TMEM165: variants seen among roughly 807,000 people sequenced by gnomAD.
TMEM165 encodes transmembrane protein 165, also known as putative divalent cation/proton antiporter TMEM165.
A neutral mutation model predicts 30.0 loss-of-function variants in TMEM165; 19 were observed. The observed-to-expected ratio is 0.63, with a 90% CI of 0.44 to 0.93. The LOEUF (loss-of-function observed/expected upper bound fraction) is 0.93. Among genes scored for constraint, TMEM165 ranks in the 40% least tolerant of loss-of-function variants. The pLI is 0.00. For synonymous variants in TMEM165, 168 were observed against 162.9 expected, an observed-to-expected ratio of 1.03 and a Z score of -0.24; for missense variants, 340 against 417.0, an observed-to-expected ratio of 0.82 and a Z score of 1.61.
At chr4:55,450,308 C>A (rs766076877) in intron 3 of TMEM165, 11 of 1,574,884 alleles carry the variant, frequency 7.0e-6, no homozygotes, top group Non-Finnish European at 9.6e-6. Flanking sequence ...CTGTTAACAA[C>A]AACAAAAAAA....
intron 3 of TMEM165, chr4:55,438,362 TCTG>T (rs753230415): frequency 2.0e-4 from 324 of 1,593,576 alleles, no homozygotes; most frequent in Non-Finnish European, 2.6e-4. Context: ...TCCTGGGAGC[TCTG>T]CTGCTGCTGC....
intron 1 of TMEM165, chr4:55,398,805 C>T (rs1720834103): frequency 1.3e-5 from 2 of 149,096 alleles, no homozygotes; most frequent in Admixed American, 1.3e-4. Flanking sequence ...GAAGTAGTTG[C>T]ATGTCAAGTT....
intron 3 of TMEM165, among the ~76,000 whole-genome samples, chr4:55,447,084 T>C (rs538514649): frequency 1.1e-4 from 16 of 152,118 alleles, no homozygotes; most frequent in African/African-American, 3.4e-4. Flanking sequence ...GTTATAATTA[T>C]GGCCGGGCAT....
intron 3 of TMEM165, among the ~76,000 whole-genome samples, chr4:55,446,848 T>C (rs1028441734): frequency 2.6e-5 from 4 of 152,174 alleles, no homozygotes; most frequent in Non-Finnish European, 5.9e-5. Flanking sequence ...GTGAACTGTA[T>C]GTAAAAGTGA....
Position 55,438,324 on chromosome 4 carries a change from T to C in TMEM165, c.408+13681T>C, listed in dbSNP as rs141175897. ...GTGGCTGGGTCAGCTGAGCCTGAGA[T>C]GGTTGCTGAACTGAAGTGAGCTGCT... is the stretch of plus-strand genomic sequence containing the variant. On this transcript the variant is annotated intron_variant, in intron 3 of 3. Transcript: ENST00000608091. The C allele has an allele frequency of 3.7e-5, 59 of 1,614,098 alleles. No homozygotes were observed. The East Asian group carries it at 6.5e-4, about 18-fold the overall frequency.
intron 3 of TMEM165, among the ~76,000 whole-genome samples, chr4:55,447,041 T>C (rs1723916395): frequency 6.6e-6 from 1 of 152,080 alleles, no homozygotes; most frequent in Non-Finnish European, 1.5e-5. Flanking sequence ...CTCAAGTTTT[T>C]TTTTTTGTTT....
chr4:55,409,021 A>G (rs1038324578), intron 1 of TMEM165, among the ~76,000 whole-genome samples: 3 of 151,676 alleles, frequency 2.0e-5, no homozygotes, highest in Admixed American at 6.6e-5. Context: ...CTGGAGTGCA[A>G]TGGTGCCATT....
At chr4:55,435,531 G>T (rs555376852) in intron 3 of TMEM165, 1 of 1,614,044 alleles carries the variant, frequency 6.2e-7, no homozygotes, top group African/African-American at 1.3e-5. Context: ...GTGCTCTGTT[G>T]TAGAGGAAAT....
At chr4:55,406,304 G>A (rs1224510568) in intron 1 of TMEM165, among the ~76,000 whole-genome samples, 1 of 152,258 alleles carries the variant, frequency 6.6e-6, no homozygotes, top group Non-Finnish European at 1.5e-5. Flanking sequence ...CTATAATGGT[G>A]TGAAAGTTAA....
Position 55,435,161 on chromosome 4 carries a change from C to A in TMEM165, c.408+10518C>A, listed in dbSNP as rs1348515508. On this transcript the variant is annotated intron_variant, in intron 3 of 3. Coordinates refer to the TMEM165 transcript ENST00000608091. ...ATTTGGCAATATATTCTTTTTCCAT[C>A]AAAAAATATCCAGGCACCTAAAACA... 6.0e-6 allele frequency: 3 copies of A among 500,422 alleles called. No individual in the cohort carries two copies. The East Asian group carries it at 1.1e-4, about 18-fold the overall frequency. The allele number at this position is 500,422 out of a possible 1,614,324, so 31.0% of individuals were successfully genotyped here. A position where few individuals can be genotyped will look rare whatever the true frequency, so the allele number is the denominator to read the frequency against.
At chr4:55,403,498 C>CT (rs71194555) in intron 1 of TMEM165, among the ~76,000 whole-genome samples, 198 of 133,808 alleles carry the variant, frequency 1.5e-3, no homozygotes, top group Admixed American at 3.5e-3. Flanking sequence ...TTTTCTTTTT[C>CT]TTTTTTTTTT....
At chr4:55,405,481 T>A (rs770820269) in intron 1 of TMEM165, among the ~76,000 whole-genome samples, 3 of 152,152 alleles carry the variant, frequency 2.0e-5, no homozygotes, top group Non-Finnish European at 4.4e-5. Context: ...GAAATGCTTT[T>A]TATCACCCCA....
chr4:55,416,507 T>A (rs115753364), intron 2 of TMEM165, among the ~76,000 whole-genome samples: 183 of 152,154 alleles, frequency 1.2e-3, no homozygotes, highest in Non-Finnish European at 2.2e-3. Context: ...GTAACATTAT[T>A]TTAATATAAT....
rs539310683 is a variant in TMEM165, at chr4:55,396,361, G to A, written c.172G>A (p.Val58Met). 5.3e-6 allele frequency: 8 copies of A among 1,509,104 alleles called. No individual in the cohort carries two copies. The East Asian group carries it at 2.2e-4, about 41-fold the overall frequency. 93.5% of individuals were successfully genotyped at this position (1,509,104 alleles called of 1,614,324 possible). ...APAQQLQPQP[V>M]AVQGPEPARV... The stretch of plus-strand genomic sequence containing the variant: ...GGCCCAGCAGCTGCAGCCGCAGCCT[G>A]TGGCTGTGCAGGGCCCCGAGCCGGC... Residue 58 changes from valine to methionine, a missense_variant, in exon 1 of 6, where the codon GTG becomes ATG. Transcript: ENST00000381334.
At chr4:55,424,339 G>T in intron 4 of TMEM165, 199 bp from the exon 5 acceptor site, 1 of 519,280 alleles carries the variant, frequency 1.9e-6, no homozygotes, top group Non-Finnish European at 3.4e-6. Flanking sequence ...CAACTTTTAG[G>T]TCTAGTCTTA....
intron 1 of TMEM165, among the ~76,000 whole-genome samples, chr4:55,400,276 T>C (rs1272128484): frequency 9.4e-6 from 1 of 106,640 alleles, no homozygotes; most frequent in Non-Finnish European, 1.7e-5. Context: ...ATATATAATA[T>C]AATATTATAT....
At chr4:55,453,073 G>A (rs1186493637) in exon 4 of TMEM165, 2 of 1,611,320 alleles carry the variant, frequency 1.2e-6, no homozygotes, top group African/African-American at 2.7e-5. Context: ...AGCTGTCTCA[G>A]GAAGAGACTC....
intron 3 of TMEM165, among the ~76,000 whole-genome samples, chr4:55,446,097 ACTT>A (rs776852783): frequency 5.7e-5 from 6 of 105,606 alleles, no homozygotes; most frequent in Admixed American, 2.3e-4. Flanking sequence ...AAAAAATTTA[ACTT>A]CTTTTTTTTT....
intron 3 of TMEM165, among the ~76,000 whole-genome samples, chr4:55,440,988 C>A (rs12505880): frequency 0.36 from 51,458 of 144,372 alleles, 8,924 homozygotes; most frequent in East Asian, 0.58. Context: ...AAACAAAACA[C>A]AACACAACAA....
Sources: gnomAD v4.1 joint callset for allele counts (sites outside exome capture counted in the v4.1 genomes callset) on GRCh38, gnomAD v4.1.1 for gene constraint, MANE v1.5 for transcripts, NCBI Gene and HGNC (gene_info 2026-07-23, HGNC 2026-07-21) for gene names.